AGPAT3: variants seen among roughly 807,000 people sequenced by gnomAD.
AGPAT3 encodes the protein 1-acylglycerol-3-phosphate O-acyltransferase 3.
In AGPAT3, 5 loss-of-function variants were observed where a neutral mutation model predicts 47.3. The observed-to-expected ratio is 0.11, with a 90% CI of 0.06 to 0.22. The LOEUF (loss-of-function observed/expected upper bound fraction) is 0.22. AGPAT3 is among the 10% of genes least tolerant of loss of function. The pLI is 1.00. For synonymous variants in AGPAT3, 212 were observed against 208.3 expected (o/e 1.02, Z -0.15); for missense variants, 315 against 493.0 (o/e 0.64, Z 3.42).
At chr21:43,962,003 CTTTT>C (rs752287053) in intron 3 of AGPAT3, among the ~76,000 whole-genome samples, 4 of 141,232 alleles carry the variant, frequency 2.8e-5, no homozygotes, top group African/African-American at 2.6e-5. Flanking sequence ...TGTTTTTTCT[CTTTT>C]TTTTTTTTTT....
chr21:43,916,976 G>A (rs2146138095), intron 2 of AGPAT3, among the ~76,000 whole-genome samples: 1 of 152,184 alleles, frequency 6.6e-6, no homozygotes, highest in South Asian at 2.1e-4. Context: ...GCTCCTTTTT[G>A]GGTAAGGTCT....
intron 2 of AGPAT3, among the ~76,000 whole-genome samples, chr21:43,958,470 T>C (rs1340510728): frequency 6.6e-6 from 1 of 151,412 alleles, no homozygotes; most frequent in Admixed American, 6.6e-5. Flanking sequence ...TGGTTTGTGG[T>C]ATGGTGCTTG....
Position 43,945,420 on chromosome 21 carries a change from T to C in AGPAT3, c.-48-14214T>C, listed in dbSNP as rs17004617. The stretch of plus-strand genomic sequence containing the variant: ...TTCATTTCACTTCACGTTTTATTGG[T>C]TTGAGTAATGGTTTAGAAACTATCT... On this transcript the variant is annotated intron_variant, in intron 2 of 9. Transcript: ENST00000291572. Among the ~76,000 whole-genome samples the C allele has an allele frequency of 9.2e-3, 1,401 of 152,334 alleles. 23 individuals carry two copies. The highest frequency in any genetic ancestry group is 0.068 in the Middle Eastern group (20 of 294).
At chr21:43,971,547 T>C (rs1463243489) in intron 7 of AGPAT3, 57 bp downstream of exon 7, 2 of 1,553,276 alleles carry the variant, frequency 1.3e-6, no homozygotes, top group Admixed American at 3.4e-5. Flanking sequence ...GAGCTTGCGC[T>C]GGGCAGAGGC....
At chr21:43,914,315 C>G (rs2086685900) in intron 2 of AGPAT3, among the ~76,000 whole-genome samples, 1 of 152,246 alleles carries the variant, frequency 6.6e-6, no homozygotes, top group African/African-American at 2.4e-5. Context: ...GTCAGTGTTG[C>G]TTCATTAAAG....
chr21:43,918,806 G>A (rs1416700695), intron 2 of AGPAT3, among the ~76,000 whole-genome samples: 1 of 152,148 alleles, frequency 6.6e-6, no homozygotes, highest in African/African-American at 2.4e-5. Flanking sequence ...TGAACTCCTG[G>A]CCTCAAGCCA....
chr21:43,881,015 C>T (rs1272148658), intron 1 of AGPAT3, among the ~76,000 whole-genome samples: 1 of 151,918 alleles, frequency 6.6e-6, no homozygotes, highest in Admixed American at 6.6e-5. Flanking sequence ...AATGTAAGAA[C>T]TTTTTTTGGA....
At chr21:43,948,455 G>C (rs1202175859) in intron 2 of AGPAT3, 3 of 152,246 alleles carry the variant, frequency 2.0e-5, no homozygotes, top group Non-Finnish European at 2.9e-5. Context: ...CTTGCTCAAA[G>C]AGGGGATGGG....
Position 43,983,830 on chromosome 21 carries a change from G to A in AGPAT3, c.*1438G>A, listed in dbSNP as rs1331426572. 1.3e-5 allele frequency: 2 copies of A among 152,220 alleles called. No individual in the cohort carries two copies. Among genetic ancestry groups the A allele is most frequent in the African/African-American group, 4.8e-5 (2 of 41,450 alleles). 9.4% of individuals were successfully genotyped at this position (152,220 alleles called of 1,614,324 possible). A position where few individuals can be genotyped will look rare whatever the true frequency, so the allele number is the denominator to read the frequency against. ...TTAGCAAGGTAAAAAAACCAAAATG[G>A]GTGTTATCTCTGATATCTTGAAACC... On this transcript the variant is annotated 3_prime_UTR_variant, in exon 10 of 10. Coordinates refer to ENST00000291572, the MANE Select transcript of AGPAT3 (RefSeq NM_020132.5).
At chr21:43,931,932 TG>T in intron 2 of AGPAT3, among the ~76,000 whole-genome samples, 1 of 75,128 alleles carries the variant, frequency 1.3e-5, no homozygotes, top group Non-Finnish European at 3.3e-5. Context: ...CGTGTGTGTG[TG>T]TGTGTGTGTG....
chr21:43,980,631 T>G (rs2089814597), intron 8 of AGPAT3, among the ~76,000 whole-genome samples: 1 of 152,246 alleles, frequency 6.6e-6, no homozygotes, highest in Non-Finnish European at 1.5e-5. Flanking sequence ...AGGCCACACC[T>G]GCCACCCCCA....
At chr21:43,902,206 A>G (rs1341054547) in intron 1 of AGPAT3, among the ~76,000 whole-genome samples, 2 of 152,200 alleles carry the variant, frequency 1.3e-5, no homozygotes, top group African/African-American at 4.8e-5. Context: ...CCGGTTTCTG[A>G]TCAGAAACTA....
In AGPAT3 at chr21:43,952,356, G is replaced by T. The variant is rs1369742422; in HGVS notation, c.-48-7278G>T. Among the ~76,000 whole-genome samples the T allele has an allele frequency of 6.6e-6, 1 of 152,170 alleles. No individual in the cohort carries two copies. The highest frequency in any genetic ancestry group is 2.4e-5 in the African/African-American group (1 of 41,418). ...ACTTAATTACTGTGTTAAAGGCCCT[G>T]TCTCCAAATAAGGTCACATTTCGAG... On this transcript the variant is annotated intron_variant, in intron 2 of 9. Coordinates refer to ENST00000291572, the MANE Select transcript of AGPAT3 (RefSeq NM_020132.5). This position sits in a 1 kb window ranked among gnomAD's most constrained non-coding sequence, Gnocchi z 5.6.
At chr21:43,978,428 G>A (rs1286357342) in intron 8 of AGPAT3, among the ~76,000 whole-genome samples, 6 of 152,128 alleles carry the variant, frequency 3.9e-5, no homozygotes, top group African/African-American at 7.2e-5. Context: ...TCAGCCTCCC[G>A]GGTGGCTGGA....
intron 1 of AGPAT3, among the ~76,000 whole-genome samples, chr21:43,875,780 G>T (rs2085720511): frequency 6.6e-6 from 1 of 152,116 alleles, no homozygotes; most frequent in African/African-American, 2.4e-5. Context: ...GCTAATTTTT[G>T]TATTTCTAGT....
chr21:43,945,740 G>A (rs1008026962), intron 2 of AGPAT3, among the ~76,000 whole-genome samples: 1 of 152,184 alleles, frequency 6.6e-6, no homozygotes, highest in Non-Finnish European at 1.5e-5. Context: ...TTTCAAGTCC[G>A]TGCCTCAGGG....
rs1465233649 is a variant in AGPAT3, at chr21:43,930,302, C to G, written c.-49+26283C>G. The stretch of plus-strand genomic sequence containing the variant: ...GCCAATACCAATGCAGCCCGGTTCC[C>G]TGTCCTGGGCCTGCCAGTGACTTTG... On this transcript the variant is annotated intron_variant, in intron 2 of 9. Coordinates refer to ENST00000291572, the MANE Select transcript of AGPAT3 (RefSeq NM_020132.5). The surrounding 1 kb of genome is among the most constrained non-coding windows in gnomAD (Gnocchi z 5.0). 6.6e-6 allele frequency among the ~76,000 whole-genome samples: 1 copy of G among 152,154 alleles called. No homozygotes were observed. The highest frequency in any genetic ancestry group is 2.4e-5 in the African/African-American group (1 of 41,436).
Position 43,924,190 on chromosome 21 carries a change from A to AT in AGPAT3, c.-49+20187dup, listed in dbSNP as rs35611407. 5.7e-3 allele frequency among the ~76,000 whole-genome samples: 806 copies of AT among 141,932 alleles called. 5 individuals are homozygous for AT. The highest frequency in any genetic ancestry group is 0.015 in the African/African-American group (553 of 38,088). 93.1% of individuals were successfully genotyped at this position (141,932 alleles called of 152,430 possible). ...CAGCACGCCTGCCTAATTTTTTTGT[A>AT]TTTTTTTTTTTTTTTTAGCAGAGAC... On this transcript the variant is annotated intron_variant, in intron 2 of 9. Transcript: ENST00000291572.
At chr21:43,911,337 G>A (rs1415867379) in intron 2 of AGPAT3, among the ~76,000 whole-genome samples, 1 of 151,958 alleles carries the variant, frequency 6.6e-6, no homozygotes, top group Non-Finnish European at 1.5e-5. Context: ...GAACCCGAGT[G>A]TGCTTTAAAG....
Sources: allele counts gnomAD v4.1 joint callset (sites outside exome capture counted in the v4.1 genomes callset), GRCh38; gene constraint gnomAD v4.1.1; non-coding constraint Gnocchi (gnomAD v3.1); transcripts MANE v1.5; gene names NCBI Gene and HGNC (gene_info 2026-07-23, HGNC 2026-07-21).